MICAL2: variants seen among roughly 807,000 people sequenced by gnomAD.
MICAL2 encodes the protein [F-actin]-monooxygenase MICAL2.
A neutral mutation model predicts 127.3 loss-of-function variants in MICAL2; 77 were observed. That is an observed-to-expected ratio of 0.60 (90% confidence interval 0.50 to 0.73). The LOEUF is 0.73. Among genes scored for constraint, MICAL2 ranks in the 30% least tolerant of loss-of-function variants. The pLI is 0.00. For missense variants in MICAL2, 1,351 were observed against 1,434.4 expected, an observed-to-expected ratio of 0.94 and a Z score of 0.94; for synonymous variants, 570 against 551.1, an observed-to-expected ratio of 1.03 and a Z score of -0.48.
At chr11:12,214,823 T>TCACACA (rs72173748) in intron 7 of MICAL2, among the ~76,000 whole-genome samples, 4 of 149,414 alleles carry the variant, frequency 2.7e-5, no homozygotes, top group East Asian at 3.9e-4. Context: ...AGCTGGTCCA[T>TCACACA]CACACACACA....
In MICAL2 at chr11:12,204,370, C is replaced by G; in HGVS notation, c.385C>G (p.Leu129Val). 6.2e-7 allele frequency: 1 copy of G among 1,612,452 alleles called. No homozygotes were observed. Among genetic ancestry groups the G allele is most frequent in the Non-Finnish European group, 8.5e-7 (1 of 1,178,884 alleles). Residue 129 changes from leucine to valine, a missense_variant, in exon 4 of 28, where the codon CTC (leucine) becomes GTC (valine). Physicochemically the swap from Leu to Val is conservative, Grantham distance 32. This residue lies in a region of MICAL2 where 599 missense variants were observed against 714.9 expected (regional missense o/e 0.84). Transcript: ENST00000683283. ...DSFSRNNVLH[L>V]WPFTIHDLRG... ...CTTCTCCCGGAACAACGTGCTACAC[C>G]TCTGGCCTTTCACCATCCATGACCT...
chr11:12,256,777 A>G lies in MICAL2; in HGVS notation c.2956-8A>G, dbSNP rs1197974345. ...ATAATACACCCACTCTTCTCTCCCG[A>G]TCCCCAGGAATCTATGCGAAAGTCA... On this transcript the variant is annotated splice_polypyrimidine_tract_variant and splice_region_variant and intron_variant, in intron 23 of 27. Transcript: ENST00000683283. 6.2e-7 allele frequency: 1 copy of G among 1,604,104 alleles called. No homozygotes were observed. The highest frequency in any genetic ancestry group is 1.7e-5 in the Admixed American group (1 of 59,482).
chr11:12,233,011 A>G (rs1164411486), intron 15 of MICAL2, among the ~76,000 whole-genome samples: 1 of 152,116 alleles, frequency 6.6e-6, no homozygotes, highest in Non-Finnish European at 1.5e-5. Flanking sequence ...TTTGCTACCC[A>G]CCCATTAGTC....
At position 12,162,391 on chromosome 11, in the gene MICAL2, A is replaced by G. The variant is rs1273999918; in HGVS notation, c.236A>G (p.Lys79Arg). 6.2e-7 allele frequency: 1 copy of G among 1,614,258 alleles called. No homozygotes were observed. Among genetic ancestry groups the G allele is most frequent in the South Asian group, 1.1e-5 (1 of 91,086 alleles). ...AAGCGTGGTTCCCACAAAGAGTATA[A>G]GCGAGGGAAGTCGTGCACGAACACC... is the stretch of plus-strand genomic sequence containing the variant. ...LDKRGSHKEY[K>R]RGKSCTNTKC... The change falls in exon 3 of 28, where the codon AAG becomes AGG. Residue 79 changes from lysine to arginine, a missense_variant. Coordinates refer to ENST00000683283, the MANE Select transcript of MICAL2 (RefSeq NM_001282663.2).
chr11:12,303,982 A>T (rs1864079238), intron 29 of MICAL2, among the ~76,000 whole-genome samples: 1 of 152,180 alleles, frequency 6.6e-6, no homozygotes. Context: ...GTGAGCCACG[A>T]TTGCACCACT....
chr11:12,234,865 G>A (rs1482972810), intron 15 of MICAL2, among the ~76,000 whole-genome samples: 1 of 152,206 alleles, frequency 6.6e-6, no homozygotes. Context: ...GATCGGGTAG[G>A]TTAGGATTTA....
chr11:12,222,772 A>G, intron 11 of MICAL2, 29 bp downstream of exon 11: 1 of 1,613,752 alleles, frequency 6.2e-7, no homozygotes, highest in African/African-American at 1.3e-5. Flanking sequence ...CTCTGTCTGA[A>G]TCACTCTGCA....
chr11:12,177,689 G>T (rs1590201508), intron 3 of MICAL2, among the ~76,000 whole-genome samples: 1 of 152,124 alleles, frequency 6.6e-6, no homozygotes, highest in Admixed American at 6.5e-5. Context: ...TGAGGTACAG[G>T]TATGGCACAA....
intron 1 of MICAL2, among the ~76,000 whole-genome samples, chr11:12,126,705 T>TAA (rs5789711): frequency 0.058 from 8,417 of 144,256 alleles, 332 homozygotes; most frequent in African/African-American, 0.1. Flanking sequence ...CTTATGTGTG[T>TAA]AAAAAAAAAA....
chr11:12,238,038 A>G (rs1053622233), intron 16 of MICAL2, among the ~76,000 whole-genome samples: 32 of 152,186 alleles, frequency 2.1e-4, no homozygotes, highest in African/African-American at 7.7e-4. Context: ...TGTTCGTCCA[A>G]CACTCAGAGT....
intron 1 of MICAL2, among the ~76,000 whole-genome samples, chr11:12,125,947 G>A (rs1290051591): frequency 6.6e-6 from 1 of 152,144 alleles, no homozygotes; most frequent in Non-Finnish European, 1.5e-5. Flanking sequence ...TGTGGAGTGA[G>A]TGACTCACCT....
chr11:12,319,933 A>T (rs1290007205), intron 30 of MICAL2: 11 of 694,034 alleles, frequency 1.6e-5, no homozygotes, highest in Middle Eastern at 3.3e-4. Context: ...GTTTCATTGC[A>T]TCTGACAGAG....
chr11:12,140,300 G>A (rs2096087231), intron 2 of MICAL2, among the ~76,000 whole-genome samples: 1 of 152,194 alleles, frequency 6.6e-6, no homozygotes, highest in African/African-American at 2.4e-5. Flanking sequence ...TTTTACAGAT[G>A]AGAAATTTGC....
At chr11:12,219,850 T>C (rs17479090) in intron 8 of MICAL2, among the ~76,000 whole-genome samples, 5,518 of 152,322 alleles carry the variant, frequency 0.036, 126 homozygotes, top group Non-Finnish European at 0.054. Flanking sequence ...CTGTTGAAAT[T>C]CCTACGTGAG....
chr11:12,330,822 G>GAGAGAGAGAGAGAGAGAGAGAGAGA (rs1555022632), intron 32 of MICAL2, among the ~76,000 whole-genome samples: 2 of 129,520 alleles, frequency 1.5e-5, no homozygotes, highest in Non-Finnish European at 1.7e-5. Flanking sequence ...AGAGAGAGAG[G>GAGAGAGAGAGAGAGAGAGAGAGAGA]GAGAGACAGA....
intron 32 of MICAL2, among the ~76,000 whole-genome samples, chr11:12,335,077 A>T (rs1938724257): frequency 6.6e-6 from 1 of 151,278 alleles, no homozygotes; most frequent in South Asian, 2.1e-4. Context: ...CAACAGTGTA[A>T]AAGTGTTCCT....
chr11:12,220,533 T>A, intron 9 of MICAL2, 75 bp downstream of exon 9: 2 of 1,547,950 alleles, frequency 1.3e-6, no homozygotes, highest in East Asian at 2.3e-5. Flanking sequence ...AGGCAGTATC[T>A]GCTGTTGTGC....
At chr11:12,142,758 C>G (rs989533928) in intron 2 of MICAL2, among the ~76,000 whole-genome samples, 34 of 152,328 alleles carry the variant, frequency 2.2e-4, no homozygotes, top group African/African-American at 7.9e-4. Flanking sequence ...ACCTGTTGTA[C>G]TGAGGAGAAA....
chr11:12,170,382 C>T (rs1856091984), intron 3 of MICAL2, among the ~76,000 whole-genome samples: 1 of 151,880 alleles, frequency 6.6e-6, no homozygotes, highest in African/African-American at 2.4e-5. Flanking sequence ...CCTGGGAGGT[C>T]AAGGCAGCAA....
Sources: allele counts gnomAD v4.1 joint callset (sites outside exome capture counted in the v4.1 genomes callset), GRCh38; gene constraint gnomAD v4.1.1; regional missense constraint gnomAD v4.1.1; transcripts MANE v1.5; gene names NCBI Gene and HGNC (gene_info 2026-07-23, HGNC 2026-07-21).